NKAIN3: variants seen among roughly 807,000 people sequenced by gnomAD.
NKAIN3 encodes sodium/potassium-transporting ATPase subunit beta-1-interacting protein 3.
Under a neutral mutation model 30.2 loss-of-function variants are expected in NKAIN3, and 25 were observed. The observed-to-expected ratio is 0.83, with a 90% confidence interval of 0.60 to 1.16. NKAIN3 has a LOEUF of 1.16. NKAIN3 is among the 50% of genes most tolerant of loss of function. NKAIN3 has a pLI of 0.00. For synonymous variants in NKAIN3, 91 were observed against 89.6 expected, an observed-to-expected ratio of 1.02 and a Z score of -0.09; for missense variants, 225 against 254.1, an observed-to-expected ratio of 0.89 and a Z score of 0.78.
chr8:62,289,915 C>T (rs1371545491), intron 1 of NKAIN3, among the ~76,000 whole-genome samples: 1 of 152,110 alleles, frequency 6.6e-6, no homozygotes, highest in East Asian at 1.9e-4. Context: ...TCTTTTATTT[C>T]GTTGAGCAGT....
intron 3 of NKAIN3, among the ~76,000 whole-genome samples, chr8:62,693,323 A>G (rs1814043457): frequency 6.6e-6 from 1 of 152,214 alleles, no homozygotes; most frequent in South Asian, 2.1e-4. Context: ...AAGATTATAC[A>G]CCTCATTACA....
intron 1 of NKAIN3, among the ~76,000 whole-genome samples, chr8:62,294,504 C>T (rs978211068): frequency 6.6e-6 from 1 of 151,900 alleles, no homozygotes; most frequent in Non-Finnish European, 1.5e-5. Flanking sequence ...CATTGAACAC[C>T]CTGCTCCATA....
intron 1 of NKAIN3, chr8:62,383,367 A>G (rs537099175): frequency 4.5e-5 from 16 of 353,138 alleles, no homozygotes; most frequent in East Asian, 7.7e-5. Context: ...CACCAACCCA[A>G]TTGTATTTGC....
At position 62,801,182 on chromosome 8, in the gene NKAIN3, G is replaced by T. The variant is rs180839145; in HGVS notation, c.471+54053G>T. ...CCTGCCTCTGTAGGCTCCACCTCTG[G>T]GGGCAGGGCACAGAAAAACAAAAAG... On this transcript the variant is annotated intron_variant, in intron 4 of 6. Transcript: ENST00000623646. 3.9e-3 allele frequency among the ~76,000 whole-genome samples: 590 copies of T among 152,240 alleles called. 4 individuals are homozygous for T. Among genetic ancestry groups the T allele is most frequent in the African/African-American group, 0.013 (561 of 41,566 alleles).
At chr8:62,388,750 G>C (rs1817503762) in intron 1 of NKAIN3, among the ~76,000 whole-genome samples, 1 of 152,196 alleles carries the variant, frequency 6.6e-6, no homozygotes, top group African/African-American at 2.4e-5. Flanking sequence ...TGGGATTTCA[G>C]CCGGCTCTGG....
At chr8:62,562,926 A>G (rs1298126618) in intron 1 of NKAIN3, among the ~76,000 whole-genome samples, 1 of 152,054 alleles carries the variant, frequency 6.6e-6, no homozygotes, top group East Asian at 1.9e-4. Flanking sequence ...TTGGCCCGTA[A>G]CCCTGTCTCC....
chr8:62,614,844 G>A (rs1811400691), intron 3 of NKAIN3, among the ~76,000 whole-genome samples: 1 of 152,014 alleles, frequency 6.6e-6, no homozygotes, highest in African/African-American at 2.4e-5. Context: ...AAAACCCAAG[G>A]TCTCTTAAAT....
intron 4 of NKAIN3, among the ~76,000 whole-genome samples, chr8:62,866,503 A>G (rs1456201731): frequency 1.3e-5 from 2 of 152,226 alleles, no homozygotes; most frequent in African/African-American, 4.8e-5. Context: ...AATTAATTGT[A>G]GAATCCAAGA....
intron 1 of NKAIN3, among the ~76,000 whole-genome samples, chr8:62,306,159 T>C (rs919371550): frequency 2.0e-5 from 3 of 150,530 alleles, no homozygotes; most frequent in African/African-American, 7.5e-5. Flanking sequence ...CTGCTTGTAC[T>C]TTATCTTAGT....
intron 1 of NKAIN3, among the ~76,000 whole-genome samples, chr8:62,259,807 A>T (rs1392830445): frequency 1.3e-5 from 2 of 152,154 alleles, no homozygotes; most frequent in Admixed American, 1.3e-4. Context: ...GTTCTGTTTG[A>T]CACTGGTAAG....
chr8:62,438,872 C>A (rs1204818947), intron 1 of NKAIN3, among the ~76,000 whole-genome samples: 6 of 152,082 alleles, frequency 3.9e-5, no homozygotes, highest in Non-Finnish European at 8.8e-5. Context: ...CAGGAACAGC[C>A]ACTATTAAAA....
chr8:62,532,419 G>GCAAGAAAA (rs1554544058), intron 1 of NKAIN3, among the ~76,000 whole-genome samples: 2 of 151,892 alleles, frequency 1.3e-5, no homozygotes, highest in Non-Finnish European at 2.9e-5. Context: ...TGAAGCCCTG[G>GCAAGAAAA]CTGCATTCTA....
chr8:62,989,142 G>A (rs568928023), downstream of NKAIN3, among the ~76,000 whole-genome samples: 1 of 152,282 alleles, frequency 6.6e-6, no homozygotes, highest in South Asian at 2.1e-4. Context: ...AAATTTCTAG[G>A]AAGTTCCAAA....
chr8:62,814,464 C>T (rs62509400), intron 4 of NKAIN3, among the ~76,000 whole-genome samples: 26,364 of 151,620 alleles, frequency 0.17, 2,507 homozygotes, highest in East Asian at 0.29. Context: ...ATTCCAAAAT[C>T]GACCACATAG....
chr8:62,456,876 GCA>G (rs1252166204), intron 1 of NKAIN3, among the ~76,000 whole-genome samples: 1 of 152,224 alleles, frequency 6.6e-6, no homozygotes, highest in Non-Finnish European at 1.5e-5. Context: ...CTGGAGTTTT[GCA>G]CATAGTTCTA....
At chr8:62,376,325 A>G (rs1817083506) in intron 1 of NKAIN3, among the ~76,000 whole-genome samples, 1 of 152,190 alleles carries the variant, frequency 6.6e-6, no homozygotes, top group Non-Finnish European at 1.5e-5. Context: ...GATGACCTAA[A>G]TGTTCTAGCT....
At chr8:62,427,904 G>GTTTCCCTATTGTGCTACTGAACATTT (rs1265589045) in intron 1 of NKAIN3, among the ~76,000 whole-genome samples, 1 of 151,740 alleles carries the variant, frequency 6.6e-6, no homozygotes, top group African/African-American at 2.4e-5. Flanking sequence ...GTTAACCATA[G>GTTTCCCTATTGTGCTACTGAACATTT]TTTCCCTATT....
At chr8:62,715,756 G>A (rs1161594050) in intron 3 of NKAIN3, among the ~76,000 whole-genome samples, 1 of 152,182 alleles carries the variant, frequency 6.6e-6, no homozygotes, top group African/African-American at 2.4e-5. Flanking sequence ...CCTGGTGGGA[G>A]TTGGATTTCA....
chr8:62,287,994 C>A (rs1813436323), intron 1 of NKAIN3, among the ~76,000 whole-genome samples: 1 of 152,168 alleles, frequency 6.6e-6, no homozygotes, highest in Admixed American at 6.6e-5. Flanking sequence ...TCTTTCTCTT[C>A]TTTCTACCTT....
Sources: allele counts gnomAD v4.1 joint callset (sites outside exome capture counted in the v4.1 genomes callset), GRCh38; gene constraint gnomAD v4.1.1; transcripts MANE v1.5; gene names NCBI Gene and HGNC (gene_info 2026-07-23, HGNC 2026-07-21).